Variants in FAM216A observed in about 807,000 individuals in gnomAD.
FAM216A encodes protein FAM216A.
Under a neutral mutation model 37.6 loss-of-function variants are expected in FAM216A, and 26 were observed. That is an observed-to-expected ratio of 0.69 (90% confidence interval 0.51 to 0.96). The LOEUF (loss-of-function observed/expected upper bound fraction) is 0.96, where lower values mean the gene tolerates loss of function less well. Among genes scored for constraint, FAM216A ranks in the 40% least tolerant of loss-of-function variants. The pLI is 0.00. For missense variants in FAM216A, 326 were observed against 339.3 expected, an observed-to-expected ratio of 0.96 and a Z score of 0.31; for synonymous variants, 110 against 121.7, an observed-to-expected ratio of 0.90 and a Z score of 0.64.
chr12:110,479,566 C>G (rs979965518), intron 2 of FAM216A, among the ~76,000 whole-genome samples: 1 of 150,896 alleles, frequency 6.6e-6, no homozygotes, highest in African/African-American at 2.4e-5. Flanking sequence ...AGGCTGGGCG[C>G]AGTGGCTCAC....
chr12:110,486,504 G>A (rs2062777608), intron 4 of FAM216A, 30 bp from the exon 5 acceptor site: 2 of 1,608,076 alleles, frequency 1.2e-6, no homozygotes, highest in African/African-American at 1.3e-5. Flanking sequence ...ATTAGTGAGA[G>A]GGTCTTTTAA....
At chr12:110,474,130 T>G (rs1286174184) in intron 2 of FAM216A, among the ~76,000 whole-genome samples, 1 of 152,070 alleles carries the variant, frequency 6.6e-6, no homozygotes, top group Non-Finnish European at 1.5e-5. Context: ...ATAAATAATA[T>G]GGTCATTTAA....
chr12:110,471,236 G>A (rs1243958727), intron 1 of FAM216A, among the ~76,000 whole-genome samples: 2 of 151,972 alleles, frequency 1.3e-5, no homozygotes, highest in African/African-American at 2.4e-5. Context: ...CTACAGGCAC[G>A]TGCCACTACG....
At chr12:110,475,503 A>G (rs1249908542) in intron 2 of FAM216A, among the ~76,000 whole-genome samples, 2 of 152,126 alleles carry the variant, frequency 1.3e-5, no homozygotes, top group Non-Finnish European at 2.9e-5. Context: ...TGGCCTCCCA[A>G]AGTGCTGGGC....
At chr12:110,480,898 A>G (rs898003463) in intron 2 of FAM216A, among the ~76,000 whole-genome samples, 1 of 152,060 alleles carries the variant, frequency 6.6e-6, no homozygotes, top group Non-Finnish European at 1.5e-5. Flanking sequence ...AAAATTTAAA[A>G]ACAAAATAAA....
At chr12:110,474,352 C>G (rs1320780702) in intron 2 of FAM216A, among the ~76,000 whole-genome samples, 2 of 151,828 alleles carry the variant, frequency 1.3e-5, no homozygotes, top group African/African-American at 2.4e-5. Context: ...CAAATATATG[C>G]CTAGTAAAAA....
chr12:110,478,917 G>T (rs182849556), intron 2 of FAM216A, among the ~76,000 whole-genome samples: 1 of 152,136 alleles, frequency 6.6e-6, no homozygotes, highest in Admixed American at 6.6e-5. Context: ...GGCCGGGCGC[G>T]GTGGCTCACG....
upstream of FAM216A, chr12:110,468,598 A>C: frequency 6.5e-7 from 1 of 1,537,178 alleles, no homozygotes; most frequent in Non-Finnish European, 8.7e-7. Flanking sequence ...GAGGATCTGG[A>C]ATACTGAAGT....
In FAM216A at chr12:110,472,068, C is replaced by T. The variant is rs1445545358; in HGVS notation, c.144-1010C>T. Among the ~76,000 whole-genome samples the T allele has an allele frequency of 2.6e-5, 4 of 151,744 alleles. No homozygotes were observed. In the East Asian group the frequency reaches 5.8e-4, roughly 22 times the overall value. On this transcript the variant is annotated intron_variant, in intron 1 of 6. Coordinates refer to ENST00000377673, the MANE Select transcript of FAM216A (RefSeq NM_013300.3). ...CCAACATGGCGAAACCTTGTCTGTACTAAAGATGGAAAAATTAGCCGGGCG... is the reference window on the plus strand; with the variant it reads ...CCAACATGGCGAAACCTTGTCTGTATTAAAGATGGAAAAATTAGCCGGGCG...
chr12:110,471,836 A>C (rs2062688424), intron 1 of FAM216A, among the ~76,000 whole-genome samples: 1 of 152,224 alleles, frequency 6.6e-6, no homozygotes. Flanking sequence ...GATGAGGATC[A>C]GTTGTTTTGT....
At position 110,489,666 on chromosome 12, in the gene FAM216A, G is replaced by A. The variant is rs149451011; in HGVS notation, c.704-353G>A. 6.8e-3 allele frequency among the ~76,000 whole-genome samples: 1,042 copies of A among 152,134 alleles called. 1 individual carries two copies. The highest frequency in any genetic ancestry group is 9.4e-3 in the Non-Finnish European group (637 of 68,012). ...ACAGTTAGCGGAAACTGTAGGGGGG[G>A]GAGTCCCTGTGGTCCCCAATAGAAG... On this transcript the variant is annotated intron_variant, in intron 6 of 6. Transcript: ENST00000377673.
chr12:110,475,139 T>C (rs572770397), intron 2 of FAM216A, among the ~76,000 whole-genome samples: 3 of 152,342 alleles, frequency 2.0e-5, no homozygotes, highest in African/African-American at 7.2e-5. Flanking sequence ...GGGCCAGTAT[T>C]CAGCAAGTGC....
chr12:110,486,462 C>G lies in FAM216A; in HGVS notation c.436+8C>G, dbSNP rs2062777290. The G allele has an allele frequency of 6.2e-7, 1 of 1,609,518 alleles. No homozygotes were observed. The highest frequency in any genetic ancestry group is 1.3e-5 in the African/African-American group (1 of 74,960). On this transcript the variant is annotated splice_region_variant and intron_variant, in intron 4 of 6. Coordinates refer to ENST00000377673, the MANE Select transcript of FAM216A (RefSeq NM_013300.3). ...ACAGCTCACAAAAGCCAGGCAGGTG[C>G]ACCTCCAGTTGTCTTTTCACTAGTT...
At chr12:110,478,962 G>A (rs2062730757) in intron 2 of FAM216A, among the ~76,000 whole-genome samples, 1 of 151,054 alleles carries the variant, frequency 6.6e-6, no homozygotes, top group South Asian at 2.1e-4. Context: ...GCCGAGGCGG[G>A]TGGATCACGA....
intron 1 of FAM216A, among the ~76,000 whole-genome samples, chr12:110,472,443 G>T (rs577777580): frequency 6.6e-6 from 1 of 152,060 alleles, no homozygotes; most frequent in Admixed American, 6.6e-5. Context: ...CAGGCGTTTT[G>T]GTGGTCCTGG....
intron 3 of FAM216A, 78 bp downstream of exon 3, chr12:110,485,277 T>G: frequency 7.4e-7 from 1 of 1,354,590 alleles, no homozygotes; most frequent in South Asian, 1.4e-5. Context: ...ATCAGCTGCT[T>G]AGAGGGTGAG....
chr12:110,476,471 G>C (rs1370050952), intron 2 of FAM216A, among the ~76,000 whole-genome samples: 1 of 151,926 alleles, frequency 6.6e-6, no homozygotes, highest in African/African-American at 2.4e-5. Context: ...GCCTCCCAAA[G>C]CGCTGGGATT....
At chr12:110,480,763 G>A (rs989420503) in intron 2 of FAM216A, among the ~76,000 whole-genome samples, 1 of 152,120 alleles carries the variant, frequency 6.6e-6, no homozygotes, top group Non-Finnish European at 1.5e-5. Flanking sequence ...TCAGGTGGGT[G>A]CAGTGGCTCG....
intron 2 of FAM216A, among the ~76,000 whole-genome samples, chr12:110,473,350 T>C (rs2062697285): frequency 6.6e-6 from 1 of 152,136 alleles, no homozygotes; most frequent in Admixed American, 6.6e-5. Context: ...TAGCTGGGAC[T>C]ACAGATGCGT....
Sources: gnomAD v4.1 joint callset for allele counts (sites outside exome capture counted in the v4.1 genomes callset) on GRCh38, gnomAD v4.1.1 for gene constraint, MANE v1.5 for transcripts, NCBI Gene and HGNC (gene_info 2026-07-23, HGNC 2026-07-21) for gene names.